CTNNB1: variants seen among roughly 807,000 people sequenced by gnomAD.
CTNNB1 encodes the protein catenin beta 1.
In CTNNB1, 6 loss-of-function variants were observed where a neutral mutation model predicts 82.5. That is an observed-to-expected ratio of 0.07 (90% CI 0.04 to 0.14). CTNNB1 has a LOEUF of 0.14. Among genes scored for constraint, CTNNB1 ranks in the 10% least tolerant of loss-of-function variants. The pLI, the probability that CTNNB1 is intolerant of heterozygous loss-of-function variation, is 1.00. For missense variants in CTNNB1, 529 were observed against 980.4 expected (o/e 0.54, Z 6.15); for synonymous variants, 312 against 329.7 (o/e 0.95, Z 0.58).
intron 13 of CTNNB1, 112 bp from the exon 14 acceptor site, chr3:41,237,904 G>T (rs994218772): frequency 2.4e-6 from 2 of 848,246 alleles, no homozygotes; most frequent in Non-Finnish European, 4.1e-6. Context: ...TGTAATGTTG[G>T]AGTTACTTGT....
Position 41,239,955 on chromosome 3 carries a change from T to C in CTNNB1, c.*613T>C, listed in dbSNP as rs1466559047. ...TTTTTTTTTTTAAGAATATCTGTAA[T>C]GGTACTGACTTTGCTTGCTTTGAAG... On this transcript the variant is annotated 3_prime_UTR_variant, in exon 15 of 15. Coordinates refer to ENST00000349496, the MANE Select transcript of CTNNB1 (RefSeq NM_001904.4). 5.5e-6 allele frequency: 1 copy of C among 181,098 alleles called. No individual in the cohort carries two copies. The highest frequency in any genetic ancestry group is 1.2e-5 in the Non-Finnish European group (1 of 86,780). The allele number at this position is 181,098 out of a possible 1,614,324, so 11.2% of individuals were successfully genotyped here.
intron 1 of CTNNB1, chr3:41,220,481 A>G (rs554233739): frequency 6.9e-6 from 1 of 145,088 alleles, no homozygotes; most frequent in East Asian, 2.1e-4. Context: ...GTGAGTTGTA[A>G]CTTAAAATGT....
At chr3:41,208,279 C>T (rs1025321522) in intron 1 of CTNNB1, among the ~76,000 whole-genome samples, 5 of 152,088 alleles carry the variant, frequency 3.3e-5, no homozygotes, top group Admixed American at 6.5e-5. Context: ...TGATGAAGGA[C>T]GCAATATGTT....
intron 7 of CTNNB1, among the ~76,000 whole-genome samples, chr3:41,230,825 T>G (rs2078289319): frequency 6.6e-6 from 1 of 152,216 alleles, no homozygotes; most frequent in Non-Finnish European, 1.5e-5. Context: ...ATCCAGTCTT[T>G]TGGCTTCCCT....
chr3:41,233,993 A>T (rs745582113), intron 9 of CTNNB1, 126 bp downstream of exon 9: 1 of 1,414,156 alleles, frequency 7.1e-7, no homozygotes, highest in Non-Finnish European at 1.0e-6. Context: ...AGTAGGAAGT[A>T]TGGCTGCGAT....
chr3:41,202,263 T>C (rs2077549386), intron 1 of CTNNB1, among the ~76,000 whole-genome samples: 1 of 152,174 alleles, frequency 6.6e-6, no homozygotes, highest in African/African-American at 2.4e-5. Flanking sequence ...TGATAATCAA[T>C]AATTGTAGAT....
At position 41,230,909 on chromosome 3, in the gene CTNNB1, C is replaced by CA. The variant is rs200467686; in HGVS notation, c.1082-2423dup. ...ACTAATGATAGCTGATGAGCTAAAA[C>CA]AAAAAAAAATTGCAAAAGAATCTCA... is the stretch of plus-strand genomic sequence containing the variant. On this transcript the variant is annotated intron_variant, in intron 7 of 14. Transcript: ENST00000349496. Among the ~76,000 whole-genome samples the CA allele has an allele frequency of 5.9e-3, 894 of 151,330 alleles. 8 individuals carry two copies. The highest frequency in any genetic ancestry group is 0.019 in the African/African-American group (792 of 41,306).
In CTNNB1 at chr3:41,233,857, C is replaced by T. The variant is rs2125640890; in HGVS notation, c.1514C>T (p.Pro505Leu). The T allele has an allele frequency of 6.2e-7, 1 of 1,613,900 alleles. No homozygotes were observed. Residue 505 changes from proline to leucine, a missense_variant, in exon 9 of 15, where the codon CCT becomes CTT. By Grantham distance (98) the Pro-to-Leu change is moderately conservative. This residue lies in a region of CTNNB1 where 411 missense variants were observed against 776.4 expected (regional missense o/e 0.53). Transcript: ENST00000349496. ...VKLLHPPSHW[P>L]LIKATVGLIR... is the part of the protein sequence containing the mutation. ...CTCTTACACCCACCATCCCACTGGC[C>T]TCTGATAAAGGTAAATTGTCAAAGT... is the stretch of plus-strand genomic sequence containing the variant.
At chr3:41,204,126 G>C (rs2077594565) in intron 1 of CTNNB1, among the ~76,000 whole-genome samples, 1 of 151,534 alleles carries the variant, frequency 6.6e-6, no homozygotes, top group Non-Finnish European at 1.5e-5. Flanking sequence ...AATGCCTCAA[G>C]TGCTTTATGT....
At chr3:41,208,771 GC>G (rs1244993363) in intron 1 of CTNNB1, among the ~76,000 whole-genome samples, 2 of 152,156 alleles carry the variant, frequency 1.3e-5, no homozygotes, top group African/African-American at 4.8e-5. Flanking sequence ...CATTTGTACA[GC>G]AGATTCCATC....
intron 6 of CTNNB1, among the ~76,000 whole-genome samples, chr3:41,226,523 CGAAG>C (rs1264794753): frequency 6.6e-6 from 1 of 151,828 alleles, no homozygotes; most frequent in Admixed American, 6.6e-5. Context: ...ATCTTTGAAA[CGAAG>C]GAAGGAGATG....
At chr3:41,215,118 C>A (rs1051033990) in intron 1 of CTNNB1, among the ~76,000 whole-genome samples, 9 of 151,550 alleles carry the variant, frequency 5.9e-5, no homozygotes, top group African/African-American at 2.2e-4. Context: ...TGGCTCACGC[C>A]TGTAATCCCA....
In CTNNB1 at chr3:41,236,649, A is replaced by G. The variant is rs2125647175; in HGVS notation, c.2016A>G (p.Lys672=). 1 of 1,614,236 alleles carries G rather than the reference A, an allele frequency of 6.2e-7. No homozygotes were observed. The change falls in exon 13 of 15, where the codon AAA becomes AAG. Residue 672 remains lysine (K), a synonymous_variant. Transcript: ENST00000349496. ...MSEDKPQDYK[K]RLSVELTSSL... ...AGGACAAGCCACAAGATTACAAGAA[A>G]CGGCTTTCAGTTGAGCTGACCAGCT...
In CTNNB1 at chr3:41,212,202, T is replaced by C. The variant is rs574676861; in HGVS notation, c.-48-11819T>C. ...AATCATAATCTGAAAGTTGGCTACT[T>C]ATTTTTACCCCTTTGAGGGTCCTTG... is the stretch of plus-strand genomic sequence containing the variant. On this transcript the variant is annotated intron_variant, in intron 1 of 14. Transcript: ENST00000349496. 2.6e-4 allele frequency among the ~76,000 whole-genome samples: 40 copies of C among 152,332 alleles called. No homozygotes were observed. In the South Asian group the frequency reaches 8.3e-3, roughly 32 times the overall value.
chr3:41,238,464 G>T (rs917093706), intron 14 of CTNNB1: 2 of 211,836 alleles, frequency 9.4e-6, no homozygotes, highest in Admixed American at 5.3e-5. Flanking sequence ...TTACATAGTT[G>T]CATTATCATC....
chr3:41,211,244 AATCTT>A (rs780921477), intron 1 of CTNNB1, among the ~76,000 whole-genome samples: 1 of 152,178 alleles, frequency 6.6e-6, no homozygotes, highest in African/African-American at 2.4e-5. Context: ...GCTCCATTAT[AATCTT>A]ATGAGACCAC....
chr3:41,220,459 A>C (rs534072346), intron 1 of CTNNB1: 1 of 136,352 alleles, frequency 7.3e-6, no homozygotes, highest in Admixed American at 8.1e-5. Context: ...AGAAAGCAGA[A>C]AAGAACCTGG....
chr3:41,231,886 G>A (rs139133009), intron 7 of CTNNB1, among the ~76,000 whole-genome samples: 2 of 152,138 alleles, frequency 1.3e-5, no homozygotes, highest in African/African-American at 2.4e-5. Context: ...AACCAAAAAC[G>A]GTTTGTGGAG....
At chr3:41,214,140 C>T (rs898771538) in intron 1 of CTNNB1, among the ~76,000 whole-genome samples, 3 of 152,150 alleles carry the variant, frequency 2.0e-5, no homozygotes, top group African/African-American at 7.2e-5. Flanking sequence ...CCTGATGGCA[C>T]ACATGAAGTT....
Sources: allele counts gnomAD v4.1 joint callset (sites outside exome capture counted in the v4.1 genomes callset), GRCh38; gene constraint gnomAD v4.1.1; regional missense constraint gnomAD v4.1.1; transcripts MANE v1.5; gene names NCBI Gene and HGNC (gene_info 2026-07-23, HGNC 2026-07-21).